Variants in SLC35E3 observed in about 807,000 individuals in gnomAD.
SLC35E3 encodes bladder cancer-overexpressed gene 1 protein.
In SLC35E3, 28 loss-of-function variants were observed where a neutral mutation model predicts 30.8. That is an observed-to-expected ratio of 0.91 (90% confidence interval 0.67 to 1.25). SLC35E3 has a LOEUF of 1.25. Among genes scored for constraint, SLC35E3 ranks in the 50% most tolerant of loss-of-function variants. The probability of loss-of-function intolerance (pLI) is 0.00; values close to 1 mark genes in which losing one functional copy is unlikely to be tolerated. For synonymous variants in SLC35E3, 146 were observed against 149.2 expected, an observed-to-expected ratio of 0.98 and a Z score of 0.16; for missense variants, 365 against 375.4, an observed-to-expected ratio of 0.97 and a Z score of 0.23.
chr12:68,763,675 G>A (rs12368490), intron 4 of SLC35E3, among the ~76,000 whole-genome samples: 7 of 152,090 alleles, frequency 4.6e-5, no homozygotes, highest in South Asian at 2.1e-4. Context: ...GATTAGAGGC[G>A]TGAGCCACCG....
At position 68,764,260 on chromosome 12, in the gene SLC35E3, G is replaced by A. The variant is rs546151591; in HGVS notation, c.756-444G>A. Among the ~76,000 whole-genome samples the A allele has an allele frequency of 2.6e-5, 4 of 152,198 alleles. No individual in the cohort carries two copies. The South Asian group carries it at 8.3e-4, about 32-fold the overall frequency. On this transcript the variant is annotated intron_variant, in intron 4 of 4. Coordinates refer to ENST00000398004, the MANE Select transcript of SLC35E3 (RefSeq NM_018656.5). ...GTCTTGTGTCTCTGATGAATCAATC[G>A]CTAAAACCTACCTGAAGAAACTAAG...
rs531700325 is a variant in SLC35E3 at position 68,754,808 on chromosome 12, G to A, written c.672+2618G>A. On this transcript the variant is annotated intron_variant, in intron 3 of 4. Coordinates refer to ENST00000398004, the MANE Select transcript of SLC35E3 (RefSeq NM_018656.5). ...AGTGTCTGGCTATGTTGCCCAGGCT[G>A]GCCTCAAGCTCCTGAGCTCAAGTGA... Among the ~76,000 whole-genome samples, 7 of 152,152 alleles carry A rather than the reference G, an allele frequency of 4.6e-5. No individual in the cohort carries two copies. The East Asian group carries it at 1.4e-3, about 29-fold the overall frequency.
rs1025235182 is a variant in SLC35E3 at position 68,765,178 on chromosome 12, C to T, written c.*288C>T. The T allele has an allele frequency of 9.2e-5, 18 of 196,124 alleles. No homozygotes were observed. The highest frequency in any genetic ancestry group is 3.5e-4 in the African/African-American group (15 of 42,872). The allele number at this position is 196,124 out of a possible 1,614,324, so 12.1% of individuals were successfully genotyped here. ...GGCTGAGGCAGGAGAATCACTTGAA[C>T]CCGGGAGGCGGCGGTTGCAGTGAGC... On this transcript the variant is annotated 3_prime_UTR_variant, in exon 5 of 5. Coordinates refer to ENST00000398004, the MANE Select transcript of SLC35E3 (RefSeq NM_018656.5).
chr12:68,748,778 G>A (rs977260960), intron 2 of SLC35E3, among the ~76,000 whole-genome samples: 4 of 152,104 alleles, frequency 2.6e-5, no homozygotes, highest in Non-Finnish European at 5.9e-5. Flanking sequence ...GAAATTCTGG[G>A]TGTGCCTGCA....
In SLC35E3 at chr12:68,778,926, G is replaced by A. The variant is rs1333637866; in HGVS notation, c.*14036G>A. On this transcript the variant is annotated 3_prime_UTR_variant, in exon 5 of 5. Transcript: ENST00000398004. ...TTGAGACCAACCTGGCCAACATGGC[G>A]AAACTCCATCTCTACTAAAAATACA... 3.3e-5 allele frequency: 5 copies of A among 152,074 alleles called. No individual in the cohort carries two copies. Among genetic ancestry groups the A allele is most frequent in the South Asian group, 2.1e-4 (1 of 4,818 alleles). The allele number at this position is 152,074 out of a possible 1,614,324, so 9.4% of individuals were successfully genotyped here. A position where few individuals can be genotyped will look rare whatever the true frequency, so the allele number is the denominator to read the frequency against.
Position 68,778,801 on chromosome 12 carries a change from AAG to A in SLC35E3, c.*13913_*13914del, listed in dbSNP as rs1245874618. ...CAAAACTCCATCTCCAAAAAAAAAA[AAG>A]AAAAGAAACTGAGTCTTATGGCTGG... On this transcript the variant is annotated 3_prime_UTR_variant, in exon 5 of 5. Transcript: ENST00000398004. 2 of 151,594 alleles carry A rather than the reference AAG, an allele frequency of 1.3e-5. No individual in the cohort carries two copies. The highest frequency in any genetic ancestry group is 2.9e-5 in the Non-Finnish European group (2 of 68,036). The allele number at this position is 151,594 out of a possible 1,614,324, so 9.4% of individuals were successfully genotyped here. A position where few individuals can be genotyped will look rare whatever the true frequency, so the allele number is the denominator to read the frequency against.
At chr12:68,763,033 C>G (rs771784650) in intron 4 of SLC35E3, among the ~76,000 whole-genome samples, 1 of 152,168 alleles carries the variant, frequency 6.6e-6, no homozygotes, top group African/African-American at 2.4e-5. Flanking sequence ...GGAGGAAGTA[C>G]GATCTATGAT....
At chr12:68,754,565 C>T (rs1435133158) in intron 3 of SLC35E3, among the ~76,000 whole-genome samples, 4 of 152,158 alleles carry the variant, frequency 2.6e-5, no homozygotes, top group Non-Finnish European at 4.4e-5. Context: ...GGATTACAGG[C>T]GTGAGCCGCC....
At chr12:68,763,675 G>C (rs12368490) in intron 4 of SLC35E3, among the ~76,000 whole-genome samples, 37,408 of 152,058 alleles carry the variant, frequency 0.25, 5,605 homozygotes, top group Non-Finnish European at 0.35. Context: ...GATTAGAGGC[G>C]TGAGCCACCG....
rs1416233650 is a variant in SLC35E3 at position 68,759,162 on chromosome 12, G to A, written c.678G>A (p.Met226Ile). 6.2e-7 allele frequency: 1 copy of A among 1,610,280 alleles called. No individual in the cohort carries two copies. Among genetic ancestry groups the A allele is most frequent in the South Asian group, 1.1e-5 (1 of 90,724 alleles). The change falls in exon 4 of 5, where the codon ATG becomes ATA. Residue 226 changes from methionine (M) to isoleucine (I), a missense_variant. Met to Ile is a conservative substitution (Grantham distance 10). Coordinates refer to ENST00000398004, the MANE Select transcript of SLC35E3 (RefSeq NM_018656.5). ...FGPWSVSALL[M>I]VLLSGVIAFM... is the part of the protein sequence containing the mutation. ...TTCTTTTGGTTTATTTGTAGCTTATGGTGCTGCTATCTGGAGTAATAGCTT... is the reference window on the plus strand; with the variant it reads ...TTCTTTTGGTTTATTTGTAGCTTATAGTGCTGCTATCTGGAGTAATAGCTT...
At chr12:68,748,735 C>T (rs139062824) in intron 2 of SLC35E3, among the ~76,000 whole-genome samples, 7 of 152,168 alleles carry the variant, frequency 4.6e-5, no homozygotes, top group East Asian at 1.9e-4. Context: ...GACAGTGAAA[C>T]GGTATTCTCT....
At position 68,764,799 on chromosome 12, in the gene SLC35E3, T is replaced by G. The variant is rs1208294957; in HGVS notation, c.851T>G (p.Ile284Ser). ...DPLSINQALGILCTLFGILAY... is the reference protein window; with the variant it reads ...DPLSINQALGSLCTLFGILAY... The stretch of plus-strand genomic sequence containing the variant: ...CTGTCCATTAATCAGGCCCTTGGCA[T>G]TTTATGTACATTATTTGGCATTCTC... Residue 284 changes from isoleucine (I) to serine (S), a missense_variant, in exon 5 of 5, where the codon ATT (isoleucine) becomes AGT (serine). Physicochemically the swap from Ile to Ser is moderately radical, Grantham distance 142 (BLOSUM62 -2). Coordinates refer to ENST00000398004, the MANE Select transcript of SLC35E3 (RefSeq NM_018656.5). 2 of 1,614,044 alleles carry G rather than the reference T, an allele frequency of 1.2e-6. No homozygotes were observed. The highest frequency in any genetic ancestry group is 8.5e-7 in the Non-Finnish European group (1 of 1,180,030).
In SLC35E3 at chr12:68,764,933, A is replaced by G. The variant is rs1313836353; in HGVS notation, c.*43A>G. On this transcript the variant is annotated 3_prime_UTR_variant, in exon 5 of 5. Coordinates refer to ENST00000398004, the MANE Select transcript of SLC35E3 (RefSeq NM_018656.5). ...AAAGAATGTTGTCCCAAGAAGATAAAAAATATTGTTAAGTGTGCAAGTTAT... is the reference window on the plus strand; with the variant it reads ...AAAGAATGTTGTCCCAAGAAGATAAGAAATATTGTTAAGTGTGCAAGTTAT... 1.3e-6 allele frequency: 2 copies of G among 1,588,600 alleles called. No homozygotes were observed. Among genetic ancestry groups the G allele is most frequent in the East Asian group, 2.2e-5 (1 of 44,644 alleles).
intron 3 of SLC35E3, among the ~76,000 whole-genome samples, chr12:68,757,013 T>A (rs1879043340): frequency 1.3e-5 from 2 of 151,974 alleles, no homozygotes; most frequent in African/African-American, 4.8e-5. Context: ...AGACTCCAAA[T>A]AAATAAATAA....
intron 3 of SLC35E3, among the ~76,000 whole-genome samples, chr12:68,756,989 T>C (rs1879041458): frequency 6.6e-6 from 1 of 152,232 alleles, no homozygotes; most frequent in Non-Finnish European, 1.5e-5. Context: ...CACTCCAGCC[T>C]GGGCGACAGA....
intron 4 of SLC35E3, among the ~76,000 whole-genome samples, chr12:68,764,436 G>A (rs1201118161): frequency 6.6e-6 from 1 of 152,136 alleles, no homozygotes; most frequent in African/African-American, 2.4e-5. Context: ...TTGAAGGCAT[G>A]TGCCACCACG....
Position 68,767,627 on chromosome 12 carries a change from T to A in SLC35E3, c.*2737T>A, listed in dbSNP as rs1165026420. ...CAATAAAAATATATATACACACATA[T>A]AATATACCTTTGGGGTTTTTAGGAT... On this transcript the variant is annotated 3_prime_UTR_variant, in exon 5 of 5. Transcript: ENST00000398004. 1.2e-4 allele frequency: 18 copies of A among 152,014 alleles called. No individual in the cohort carries two copies. Among genetic ancestry groups the A allele is most frequent in the Admixed American group, 1.2e-3 (18 of 15,256 alleles). 9.4% of individuals were successfully genotyped at this position (152,014 alleles called of 1,614,324 possible). A position where few individuals can be genotyped will look rare whatever the true frequency, so the allele number is the denominator to read the frequency against.
intron 4 of SLC35E3, 53 bp from the exon 5 acceptor site, chr12:68,764,651 A>G (rs1879323145): frequency 6.4e-7 from 1 of 1,555,262 alleles, no homozygotes; most frequent in Non-Finnish European, 8.8e-7. Context: ...GTGTGTGTGT[A>G]AATATTAACA....
chr12:68,772,329 C>G lies in SLC35E3; in HGVS notation c.*7439C>G, dbSNP rs1046733284. On this transcript the variant is annotated 3_prime_UTR_variant, in exon 5 of 5. Transcript: ENST00000398004. ...CTGGGATTACAGGTGTGAGCCACCA[C>G]GCCTGGCCTGTTTGACCTTTATAAG... is the stretch of plus-strand genomic sequence containing the variant. The G allele has an allele frequency of 6.6e-6, 1 of 152,080 alleles. No individual in the cohort carries two copies. The highest frequency in any genetic ancestry group is 2.4e-5 in the African/African-American group (1 of 41,408). The allele number at this position is 152,080 out of a possible 1,614,324, so 9.4% of individuals were successfully genotyped here.
Sources: gnomAD v4.1 joint callset for allele counts (sites outside exome capture counted in the v4.1 genomes callset) on GRCh38, gnomAD v4.1.1 for gene constraint, MANE v1.5 for transcripts, NCBI Gene and HGNC (gene_info 2026-07-23, HGNC 2026-07-21) for gene names.